Variants in HYDIN observed in about 807,000 individuals in gnomAD.
HYDIN encodes the protein HYDIN axonemal central pair apparatus protein.
HYDIN carries 132 observed loss-of-function variants against 403.9 expected under a neutral mutation model. The ratio of observed to expected loss-of-function variants is 0.33; its 90% CI spans 0.28 to 0.38. The LOEUF (loss-of-function observed/expected upper bound fraction) is 0.38, where lower values mean the gene tolerates loss of function less well. Ranked by LOEUF, HYDIN falls within the 10% of genes least tolerant of loss-of-function variation. The pLI is 1.00. For synonymous variants in HYDIN, 1,202 were observed against 1,891.7 expected (o/e 0.64, Z 9.46); for missense variants, 2,827 against 5,009.5 (o/e 0.56, Z 13.15).
At chr16:71,004,794 G>A (rs2079842616) in intron 23 of HYDIN, among the ~76,000 whole-genome samples, 1 of 152,044 alleles carries the variant, frequency 6.6e-6, no homozygotes, top group South Asian at 2.1e-4. Flanking sequence ...GTTTAAGTTT[G>A]AAATTATTTA....
chr16:71,118,012 C>T (rs1199694076), intron 9 of HYDIN, among the ~76,000 whole-genome samples: 1 of 152,042 alleles, frequency 6.6e-6, no homozygotes, highest in Non-Finnish European at 1.5e-5. Context: ...TTTCCTTATG[C>T]TGTCACCTCA....
At chr16:71,154,152 T>G (rs2085659410) in intron 6 of HYDIN, among the ~76,000 whole-genome samples, 1 of 145,230 alleles carries the variant, frequency 6.9e-6, no homozygotes, top group Non-Finnish European at 1.5e-5. Context: ...TAGCACTGGG[T>G]GGCATCTGAG....
intron 1 of HYDIN, among the ~76,000 whole-genome samples, chr16:71,221,223 G>A (rs1365883473): frequency 1.3e-5 from 2 of 150,798 alleles, no homozygotes; most frequent in Non-Finnish European, 1.5e-5. Flanking sequence ...TGCAGGGGAC[G>A]ATTCCTTGGC....
intron 28 of HYDIN, chr16:70,984,973 G>C: frequency 2.0e-6 from 1 of 501,806 alleles, no homozygotes; most frequent in Non-Finnish European, 3.6e-6. Flanking sequence ...CTGTATCCCT[G>C]GTGCCTGGAA....
At chr16:71,190,979 A>C (rs1271403729) in intron 1 of HYDIN, among the ~76,000 whole-genome samples, 2 of 152,198 alleles carry the variant, frequency 1.3e-5, no homozygotes, top group African/African-American at 4.8e-5. Flanking sequence ...AGAGAGGAGC[A>C]GGAGAGAAGG....
At chr16:70,953,552 C>T (rs1336843685) in intron 40 of HYDIN, among the ~76,000 whole-genome samples, 7 of 152,118 alleles carry the variant, frequency 4.6e-5, no homozygotes, top group South Asian at 2.1e-4. Flanking sequence ...CTCTACTTCC[C>T]GGCTTCCCCA....
chr16:70,850,297 A>T, intron 74 of HYDIN, 151 bp downstream of exon 74: 1 of 776,856 alleles, frequency 1.3e-6, no homozygotes. Flanking sequence ...ATCTACATAC[A>T]TTCTGGGGAT....
chr16:71,158,737 A>C (rs1240045118), intron 6 of HYDIN, among the ~76,000 whole-genome samples: 1 of 142,580 alleles, frequency 7.0e-6, no homozygotes, highest in Non-Finnish European at 1.5e-5. Context: ...GCTGGAGTGC[A>C]GTGGCATGAT....
chr16:71,219,559 C>G (rs947936491), intron 1 of HYDIN, among the ~76,000 whole-genome samples: 1 of 152,096 alleles, frequency 6.6e-6, no homozygotes, highest in Admixed American at 6.6e-5. Context: ...TACTTTCTAA[C>G]AAGCCTTTCT....
At chr16:70,830,638 G>C (rs1465108290) in intron 80 of HYDIN, among the ~76,000 whole-genome samples, 4 of 147,848 alleles carry the variant, frequency 2.7e-5, no homozygotes, top group Admixed American at 1.3e-4. Flanking sequence ...TGGTAGCACT[G>C]GGGATGGTGG....
At chr16:71,172,984 G>T (rs1335793308) in intron 5 of HYDIN, among the ~76,000 whole-genome samples, 2 of 152,180 alleles carry the variant, frequency 1.3e-5, no homozygotes, top group Non-Finnish European at 2.9e-5. Context: ...ACCCTAGCAG[G>T]TCATTCTGCG....
At chr16:71,052,574 T>C (rs1315909592) in intron 18 of HYDIN, among the ~76,000 whole-genome samples, 1 of 145,726 alleles carries the variant, frequency 6.9e-6, no homozygotes, top group Non-Finnish European at 1.5e-5. Flanking sequence ...AAAACAGTTA[T>C]GGCTGGCCGC....
chr16:71,130,126 T>A, intron 8 of HYDIN, among the ~76,000 whole-genome samples: 1 of 152,286 alleles, frequency 6.6e-6, no homozygotes, highest in East Asian at 1.9e-4. Context: ...TTTCAGGTAA[T>A]CCTGTTTTCC....
intron 23 of HYDIN, among the ~76,000 whole-genome samples, chr16:70,998,912 T>C (rs1213944193): frequency 1.3e-5 from 2 of 152,168 alleles, no homozygotes; most frequent in Non-Finnish European, 2.9e-5. Context: ...TCTAGCAGCA[T>C]GGTCTAGCTA....
intron 4 of HYDIN, among the ~76,000 whole-genome samples, chr16:71,177,470 T>C (rs1021264156): frequency 6.6e-6 from 1 of 152,146 alleles, no homozygotes; most frequent in Admixed American, 6.5e-5. Context: ...CCCATGAGCT[T>C]CTCTTACTAA....
chr16:70,854,518 G>A (rs2038892590), intron 73 of HYDIN, among the ~76,000 whole-genome samples: 1 of 152,034 alleles, frequency 6.6e-6, no homozygotes, highest in African/African-American at 2.4e-5. Context: ...GGGTTCAAGC[G>A]ATTCTGCTGC....
At chr16:71,218,808 T>A (rs2089035190) in intron 1 of HYDIN, among the ~76,000 whole-genome samples, 6 of 152,202 alleles carry the variant, frequency 3.9e-5, no homozygotes, top group Admixed American at 3.9e-4. Flanking sequence ...AGCAAAAGGA[T>A]TATATCAGAA....
intron 83 of HYDIN, among the ~76,000 whole-genome samples, chr16:70,820,431 G>A (rs1241497869): frequency 2.6e-5 from 4 of 151,488 alleles, no homozygotes; most frequent in Non-Finnish European, 4.4e-5. Flanking sequence ...TGCTCGCCTC[G>A]GCCTCCCAAA....
intron 47 of HYDIN, among the ~76,000 whole-genome samples, chr16:70,910,564 C>T (rs1357926573): frequency 2.7e-5 from 4 of 150,772 alleles, no homozygotes; most frequent in African/African-American, 4.9e-5. Context: ...GTATCTTTTT[C>T]GTATAATGAC....
Sources: allele counts gnomAD v4.1 joint callset (sites outside exome capture counted in the v4.1 genomes callset), GRCh38; gene constraint gnomAD v4.1.1; transcripts MANE v1.5; gene names NCBI Gene and HGNC (gene_info 2026-07-23, HGNC 2026-07-21).